LRRC75B: variants seen among roughly 807,000 people sequenced by gnomAD.
LRRC75B encodes leucine-rich repeat-containing protein 75B.
Under a neutral mutation model 16.5 loss-of-function variants are expected in LRRC75B, and 20 were observed. The ratio of observed to expected loss-of-function variants is 1.21; its 90% CI spans 0.85 to 1.76. LRRC75B has a LOEUF of 1.76. Among genes scored for constraint, LRRC75B ranks in the 40% most tolerant of loss-of-function variants. The pLI, the probability that LRRC75B is intolerant of heterozygous loss-of-function variation, is 0.00. For synonymous variants in LRRC75B, 199 were observed against 198.1 expected (o/e 1.00, Z -0.04); for missense variants, 406 against 417.0 (o/e 0.97, Z 0.23).
At chr22:24,588,497 G>A in intron 2 of LRRC75B, 168 bp from the exon 3 acceptor site, 1 of 754,000 alleles carries the variant, frequency 1.3e-6, no homozygotes. Flanking sequence ...ACCCGGCTGT[G>A]GCCTGGCACA....
Position 24,588,216 on chromosome 22 carries a change from G to C in LRRC75B, c.420C>G (p.Ser140Arg). 6.2e-7 allele frequency: 1 copy of C among 1,611,516 alleles called. No homozygotes were observed. Among genetic ancestry groups the C allele is most frequent in the Non-Finnish European group, 8.5e-7 (1 of 1,178,866 alleles). The change falls in exon 3 of 4, where the codon AGC (serine) becomes AGG (arginine). Residue 140 changes from serine to arginine, a missense_variant and splice_region_variant. Physicochemically the swap from Ser to Arg is moderately radical, Grantham distance 110. Transcript: ENST00000318753. ...GSSLRQRKTQSCLKSSLQKTL... is the reference protein window; with the variant it reads ...GSSLRQRKTQRCLKSSLQKTL... ...GGCAGTGGCTGGGCTACCCTTACCAGCTCTGGGTCTTCCTCTGGCGCAGGC... is the reference window on the plus strand; with the variant it reads ...GGCAGTGGCTGGGCTACCCTTACCACCTCTGGGTCTTCCTCTGGCGCAGGC...
At position 24,586,390 on chromosome 22, in the gene LRRC75B, C is replaced by A; in HGVS notation, c.444G>T (p.Lys148Asn). 1 of 1,612,832 alleles carries A rather than the reference C, an allele frequency of 6.2e-7. No individual in the cohort carries two copies. Among genetic ancestry groups the A allele is most frequent in the Non-Finnish European group, 8.5e-7 (1 of 1,179,390 alleles). Reference protein sequence around the residue: ...TQSCLKSSLQKTLLAGETVDL... With the variant: ...TQSCLKSSLQNTLLAGETVDL... ...CCACAGTCTCCCCTGCCAGCAGAGTCTTCTGGAGGCTGCTCTTGAGGCTAT... is the reference window on the plus strand; with the variant it reads ...CCACAGTCTCCCCTGCCAGCAGAGTATTCTGGAGGCTGCTCTTGAGGCTAT... The change falls in exon 4 of 4, where the codon AAG becomes AAT. Residue 148 changes from lysine to asparagine, a missense_variant. By Grantham distance (94) the Lys-to-Asn change is moderately conservative (BLOSUM62 0). Transcript: ENST00000318753.
In LRRC75B at chr22:24,593,030, G is replaced by A. The variant is rs1203999119; in HGVS notation, c.10C>T (p.Arg4Trp). ...TCGGGCCCGGCCCGCCGGCCCAGCC[G>A]CGCCCCCATGGCCGCCGCGCGATGG... is the stretch of plus-strand genomic sequence containing the variant. MGA[R>W]LGRRAGPEAG... Residue 4 changes from arginine (R) to tryptophan (W), a missense_variant, in exon 1 of 4, where the codon CGG becomes TGG. By Grantham distance (101) the Arg-to-Trp change is moderately radical. Coordinates refer to ENST00000318753, the MANE Select transcript of LRRC75B (RefSeq NM_207644.3). 3.8e-6 allele frequency: 4 copies of A among 1,055,668 alleles called. No individual in the cohort carries two copies. Among genetic ancestry groups the A allele is most frequent in the South Asian group, 8.8e-5 (2 of 22,776 alleles). The allele number at this position is 1,055,668 out of a possible 1,614,324, so 65.4% of individuals were successfully genotyped here.
At chr22:24,588,363 AG>A in intron 2 of LRRC75B, 34 bp from the exon 3 acceptor site, 2 of 1,535,480 alleles carry the variant, frequency 1.3e-6, no homozygotes, top group Non-Finnish European at 1.8e-6. Flanking sequence ...GGTGAATCTG[AG>A]CCCCTCCTGC....
intron 1 of LRRC75B, among the ~76,000 whole-genome samples, chr22:24,590,233 T>C (rs1462171517): frequency 6.6e-6 from 1 of 151,996 alleles, no homozygotes; most frequent in Non-Finnish European, 1.5e-5. Context: ...CCTCAAGGAA[T>C]CCTCCCACTT....
At chr22:24,592,762 C>A in intron 1 of LRRC75B, 101 bp downstream of exon 1, 1 of 1,278,048 alleles carries the variant, frequency 7.8e-7, no homozygotes, top group Non-Finnish European at 9.9e-7. Context: ...CGCCTCCCGG[C>A]GGATACAGGC....
intron 1 of LRRC75B, chr22:24,592,468 A>G (rs2045598916): frequency 4.3e-6 from 2 of 464,976 alleles, no homozygotes; most frequent in Non-Finnish European, 8.9e-6. Context: ...TCTCAATACA[A>G]GATGATTTGA....
intron 1 of LRRC75B, among the ~76,000 whole-genome samples, chr22:24,590,294 A>AT (rs1007142673): frequency 2.0e-5 from 3 of 151,258 alleles, no homozygotes; most frequent in African/African-American, 7.4e-5. Flanking sequence ...TGCTCAGCTA[A>AT]TTAAAAAAAA....
At chr22:24,590,037 CGTTCCT>C in intron 1 of LRRC75B, 88 bp from the exon 2 acceptor site, 1 of 1,396,072 alleles carries the variant, frequency 7.2e-7, no homozygotes, top group South Asian at 1.5e-5. Flanking sequence ...TGCTTATGCC[CGTTCCT>C]GTCTCTCCAT....
At chr22:24,592,689 C>T in intron 1 of LRRC75B, 174 bp downstream of exon 1, 1 of 1,183,116 alleles carries the variant, frequency 8.5e-7, no homozygotes, top group Non-Finnish European at 1.1e-6. Flanking sequence ...CGCAAGACCC[C>T]GCGTGCTGCA....
Position 24,589,801 on chromosome 22 carries a change from C to A in LRRC75B, c.306+20G>T. 6.2e-7 allele frequency: 1 copy of A among 1,602,804 alleles called. No individual in the cohort carries two copies. The highest frequency in any genetic ancestry group is 1.7e-5 in the Admixed American group (1 of 58,126). On this transcript the variant is annotated intron_variant, in intron 2 of 3. Coordinates refer to ENST00000318753, the MANE Select transcript of LRRC75B (RefSeq NM_207644.3). ...GTCCACCACAGTGCCCAGCCCAGGG[C>A]CCGTGCCTGCCAGCCTCACCTTCTT...
chr22:24,588,680 A>G, intron 2 of LRRC75B: 3 of 1,107,438 alleles, frequency 2.7e-6, no homozygotes, highest in Non-Finnish European at 3.3e-6. Flanking sequence ...GGGACTTGCC[A>G]CAGGGGGAGG....
rs749355489 is a variant in LRRC75B at position 24,588,203 on chromosome 22, G to GCTAC, written c.422+7_422+10dup. Reference sequence around the variant, plus strand: ...AGCAGTGAGGAGGGGCAGTGGCTGGGCTACCCTTACCAGCTCTGGGTCTTC... The same window carrying GCTAC: ...AGCAGTGAGGAGGGGCAGTGGCTGGGCTACCTACCCTTACCAGCTCTGGGTCTTC... On this transcript the variant is annotated intron_variant, in intron 3 of 3. Coordinates refer to ENST00000318753, the MANE Select transcript of LRRC75B (RefSeq NM_207644.3). The GCTAC allele has an allele frequency of 6.2e-7, 1 of 1,602,222 alleles. No individual in the cohort carries two copies. Among genetic ancestry groups the GCTAC allele is most frequent in the East Asian group, 2.2e-5 (1 of 44,754 alleles).
intron 1 of LRRC75B, among the ~76,000 whole-genome samples, chr22:24,590,164 A>G (rs8137059): frequency 0.99 from 151,363 of 152,308 alleles, 75,250 homozygotes; most frequent in Admixed American, 1. Context: ...ACAGGGTCTC[A>G]CCCTGTCACC....
chr22:24,587,692 T>A (rs2045438945), intron 3 of LRRC75B, among the ~76,000 whole-genome samples: 2 of 152,128 alleles, frequency 1.3e-5, no homozygotes, highest in South Asian at 4.1e-4. Flanking sequence ...AGGGAGCTAT[T>A]GGGCAGCCAC....
chr22:24,592,042 C>A (rs565126561), intron 1 of LRRC75B, among the ~76,000 whole-genome samples: 5 of 152,302 alleles, frequency 3.3e-5, no homozygotes, highest in African/African-American at 9.6e-5. Flanking sequence ...TCTAATCTAC[C>A]TTCTGCAGGC....
Position 24,586,113 on chromosome 22 carries a change from A to C in LRRC75B, c.721T>G (p.Leu241Val). 6.2e-7 allele frequency: 1 copy of C among 1,613,112 alleles called. No individual in the cohort carries two copies. Among genetic ancestry groups the C allele is most frequent in the Non-Finnish European group, 8.5e-7 (1 of 1,179,960 alleles). The change falls in exon 4 of 4, where the codon TTG (leucine) becomes GTG (valine). Residue 241 changes from leucine to valine, a missense_variant. Physicochemically the swap from Leu to Val is conservative, Grantham distance 32. Transcript: ENST00000318753. ...TTGTTGCCCAGGTCCACCCAAGCCA[A>C]AGCAGGGAACTTGGTGGTGTCCTTG... Reference protein sequence around the residue: ...AIKDTTKFPALAWVDLGNNVD... With the variant: ...AIKDTTKFPAVAWVDLGNNVD...
chr22:24,588,758 C>T (rs2045479148), intron 2 of LRRC75B: 2 of 1,036,064 alleles, frequency 1.9e-6, no homozygotes, highest in Non-Finnish European at 2.3e-6. Flanking sequence ...AGGAACAAGC[C>T]AGGTCAGCGT....
Position 24,593,060 on chromosome 22 carries a change from C to G in LRRC75B, c.-21G>C, listed in dbSNP as rs1173217416. On this transcript the variant is annotated 5_prime_UTR_variant, in exon 1 of 4. Transcript: ENST00000318753. ...CCCATGGCCGCCGCGCGATGGTCGC[C>G]GAACCCACAGGAGGCCGGGCTGTCT... 4 of 1,038,548 alleles carry G rather than the reference C, an allele frequency of 3.9e-6. No individual in the cohort carries two copies. In the African/African-American group the frequency reaches 5.1e-5, roughly 13 times the overall value. 64.3% of individuals were successfully genotyped at this position (1,038,548 alleles called of 1,614,324 possible).
Sources: gnomAD v4.1 joint callset for allele counts (sites outside exome capture counted in the v4.1 genomes callset) on GRCh38, gnomAD v4.1.1 for gene constraint, MANE v1.5 for transcripts, NCBI Gene and HGNC (gene_info 2026-07-23, HGNC 2026-07-21) for gene names.